Variants in CLDN14 observed in about 807,000 individuals in gnomAD.
CLDN14 encodes claudin 14, also known as claudin-14.
In CLDN14, 2 loss-of-function variants were observed where a neutral mutation model predicts 2.1. The observed-to-expected ratio is 0.96, with a 90% CI of 0.39 to 3.01. The LOEUF is 3.01. Ranked by LOEUF, CLDN14 falls within the 30% of genes most tolerant of loss-of-function variation. The pLI is 0.09. For synonymous variants in CLDN14, 136 were observed against 154.4 expected (o/e 0.88, Z 0.88); for missense variants, 298 against 328.0 (o/e 0.91, Z 0.71).
At chr21:36,490,092 G>A (rs997977033) in intron 2 of CLDN14, among the ~76,000 whole-genome samples, 1 of 152,192 alleles carries the variant, frequency 6.6e-6, no homozygotes, top group African/African-American at 2.4e-5. Context: ...AGATTGCCAC[G>A]GACCAGGCAG....
chr21:36,486,689 A>G, intron 2 of CLDN14: 2 of 1,311,666 alleles, frequency 1.5e-6, no homozygotes, highest in East Asian at 2.3e-5. Context: ...TATCATGTCA[A>G]CATTTACTTT....
intron 2 of CLDN14, among the ~76,000 whole-genome samples, chr21:36,488,808 C>T (rs1447990183): frequency 1.3e-5 from 2 of 151,920 alleles, no homozygotes; most frequent in Admixed American, 6.6e-5. Flanking sequence ...GCACATTTTA[C>T]GTTATGTGTG....
chr21:36,486,999 T>G (rs1471719632), intron 2 of CLDN14: 3 of 349,954 alleles, frequency 8.6e-6, no homozygotes, highest in Admixed American at 8.0e-5. Flanking sequence ...TTTTTTTTTT[T>G]TTTGAGACTG....
chr21:36,479,134 T>C (rs2086814004), intron 1 of CLDN14, among the ~76,000 whole-genome samples: 1 of 152,172 alleles, frequency 6.6e-6, no homozygotes, highest in South Asian at 2.1e-4. Flanking sequence ...GCAGTGGCGC[T>C]GAGCTCCCCG....
intron 1 of CLDN14, among the ~76,000 whole-genome samples, chr21:36,549,670 C>T (rs2146516395): frequency 6.6e-6 from 1 of 152,364 alleles, no homozygotes; most frequent in Middle Eastern, 3.4e-3. Flanking sequence ...GGTTGGCCAG[C>T]ATAGCCACTT....
chr21:36,550,517 G>T (rs1237129697), intron 1 of CLDN14, among the ~76,000 whole-genome samples: 1 of 152,338 alleles, frequency 6.6e-6, no homozygotes, highest in South Asian at 2.1e-4. Context: ...AAAGGGCAGT[G>T]CCAAATCCTG....
At chr21:36,483,165 T>C (rs2086864420), upstream of CLDN14, among the ~76,000 whole-genome samples, 1 of 152,102 alleles carries the variant, frequency 6.6e-6, no homozygotes, top group African/African-American at 2.4e-5. Context: ...CCAGAATGAG[T>C]TGGCAGCTGC....
At chr21:36,572,676 A>G (rs1427025211) in intron 1 of CLDN14, among the ~76,000 whole-genome samples, 1 of 152,186 alleles carries the variant, frequency 6.6e-6, no homozygotes, top group Non-Finnish European at 1.5e-5. Context: ...GATGCTTTGG[A>G]AGACCCTGGT....
At position 36,516,242 on chromosome 21, in the gene CLDN14, T is replaced by A. The variant is rs1317313795; in HGVS notation, c.-219-5742A>T. ...TCAGACTTGATTTTCTCCACTTACA[T>A]AAAGTTGCGGGAATACAGCTATAAC... On this transcript the variant is annotated intron_variant, in intron 1 of 2. Transcript: ENST00000342108. Among the ~76,000 whole-genome samples the A allele has an allele frequency of 7.9e-5, 12 of 152,172 alleles. No homozygotes were observed. In the East Asian group the frequency reaches 2.3e-3, roughly 29 times the overall value.
intron 1 of CLDN14, among the ~76,000 whole-genome samples, chr21:36,462,658 G>T (rs986564269): frequency 6.6e-6 from 1 of 152,068 alleles, no homozygotes; most frequent in Non-Finnish European, 1.5e-5. Flanking sequence ...GGCCAGGCAC[G>T]GTGGTTCACG....
At chr21:36,560,394 G>A (rs2087625961) in intron 1 of CLDN14, among the ~76,000 whole-genome samples, 1 of 152,192 alleles carries the variant, frequency 6.6e-6, no homozygotes, top group South Asian at 2.1e-4. Context: ...AACCTTAAGT[G>A]TGAATTATGT....
chr21:36,538,655 C>T (rs939441808), intron 1 of CLDN14, among the ~76,000 whole-genome samples: 1 of 152,108 alleles, frequency 6.6e-6, no homozygotes, highest in Non-Finnish European at 1.5e-5. Flanking sequence ...GACAGCATTT[C>T]AGAAGGAGTC....
chr21:36,538,440 C>A (rs1228771514), intron 1 of CLDN14, among the ~76,000 whole-genome samples: 1 of 152,018 alleles, frequency 6.6e-6, no homozygotes, highest in African/African-American at 2.4e-5. Context: ...ATAGTGAAAC[C>A]CCGTCTCTAC....
chr21:36,560,257 G>C (rs1172297895), intron 1 of CLDN14, among the ~76,000 whole-genome samples: 3 of 146,588 alleles, frequency 2.0e-5, no homozygotes, highest in Non-Finnish European at 3.0e-5. Flanking sequence ...TTTCGCTCTT[G>C]TCGCTATGAA....
At position 36,499,704 on chromosome 21, in the gene CLDN14, C is replaced by T. The variant is rs1274352109; in HGVS notation, c.-82+10659G>A. Among the ~76,000 whole-genome samples, 2 of 152,156 alleles carry T rather than the reference C, an allele frequency of 1.3e-5. No homozygotes were observed. Among genetic ancestry groups the T allele is most frequent in the African/African-American group, 4.8e-5 (2 of 41,422 alleles). ...AGATTCACTGATTTAGACACGCAGA[C>T]AATAAATACTGATTCTTGGACTACA... is the stretch of plus-strand genomic sequence containing the variant. On this transcript the variant is annotated intron_variant, in intron 2 of 2. Coordinates refer to the CLDN14 transcript ENST00000342108. This position sits in a 1 kb window ranked among gnomAD's most constrained non-coding sequence, Gnocchi z 4.7.
chr21:36,563,810 G>A (rs911716515), intron 1 of CLDN14, among the ~76,000 whole-genome samples: 13 of 152,262 alleles, frequency 8.5e-5, no homozygotes, highest in South Asian at 2.1e-4. Flanking sequence ...AGGTCTCTGC[G>A]TGGTCTCCTC....
Position 36,461,137 on chromosome 21 carries a change from C to T in CLDN14, c.559G>A (p.Asp187Asn), listed in dbSNP as rs375904468. 1 of 1,613,892 alleles carries T rather than the reference C, an allele frequency of 6.2e-7. No homozygotes were observed. Among genetic ancestry groups the T allele is most frequent in the African/African-American group, 1.3e-5 (1 of 75,052 alleles). Residue 187 changes from aspartate (D) to asparagine (N), a missense_variant, in exon 2 of 2, where the codon GAC (aspartate) becomes AAC (asparagine). By Grantham distance (23) the Asp-to-Asn change is conservative. Coordinates refer to ENST00000399135, the MANE Select transcript of CLDN14 (RefSeq NM_001146079.2). ...TGGTAGGGCCTGTAGGGTGCCTCGTCCTGGCAGGACAGGCAAAGCAGGGTG... is the reference window on the plus strand; with the variant it reads ...TGGTAGGGCCTGTAGGGTGCCTCGTTCTGGCAGGACAGGCAAAGCAGGGTG... ...GGTLLCLSCQ[D>N]EAPYRPYQAP...
chr21:36,474,802 C>G (rs1210801451), intron 1 of CLDN14, among the ~76,000 whole-genome samples: 1 of 152,148 alleles, frequency 6.6e-6, no homozygotes, highest in Non-Finnish European at 1.5e-5. Context: ...CAGTAGGGAT[C>G]CTGTGTGCAC....
At chr21:36,494,162 G>C (rs923874015) in intron 2 of CLDN14, among the ~76,000 whole-genome samples, 1 of 152,324 alleles carries the variant, frequency 6.6e-6, no homozygotes, top group East Asian at 1.9e-4. Context: ...CACAGACCGG[G>C]AGACCATCTT....
Sources: gnomAD v4.1 joint callset for allele counts (sites outside exome capture counted in the v4.1 genomes callset) on GRCh38, gnomAD v4.1.1 for gene constraint, Gnocchi (gnomAD v3.1) non-coding constraint, MANE v1.5 for transcripts, NCBI Gene and HGNC (gene_info 2026-07-23, HGNC 2026-07-21) for gene names.